TMEM260: variants seen among roughly 807,000 people sequenced by gnomAD.
The protein encoded by TMEM260 is protein O-mannosyl-transferase TMEM260.
Under a neutral mutation model 88.9 loss-of-function variants are expected in TMEM260, and 82 were observed. That is an observed-to-expected ratio of 0.92 (90% confidence interval 0.77 to 1.11). TMEM260 has a LOEUF of 1.11. Among genes scored for constraint, TMEM260 ranks in the 50% least tolerant of loss-of-function variants. The probability of loss-of-function intolerance (pLI) is 0.00; values close to 1 mark genes in which losing one functional copy is unlikely to be tolerated. For synonymous variants in TMEM260, 314 were observed against 309.3 expected, an observed-to-expected ratio of 1.02 and a Z score of -0.16; for missense variants, 902 against 853.4, an observed-to-expected ratio of 1.06 and a Z score of -0.71.
intron 15 of TMEM260, among the ~76,000 whole-genome samples, chr14:56,644,524 C>A (rs1275472332): frequency 2.6e-5 from 4 of 152,076 alleles, no homozygotes; most frequent in Admixed American, 6.6e-5. Context: ...TAAAGACTTA[C>A]ATGTTAGACC....
intron 12 of TMEM260, among the ~76,000 whole-genome samples, chr14:56,631,836 T>G (rs943033190): frequency 1.3e-5 from 2 of 152,128 alleles, no homozygotes; most frequent in African/African-American, 2.4e-5. Context: ...TTTCTATCTA[T>G]CTGTTGGGAA....
chr14:56,607,786 T>C (rs1378098619), intron 5 of TMEM260, among the ~76,000 whole-genome samples: 1 of 152,094 alleles, frequency 6.6e-6, no homozygotes, highest in African/African-American at 2.4e-5. Flanking sequence ...TGATCTGGGG[T>C]GAGGCCCAGA....
At position 56,625,399 on chromosome 14, in the gene TMEM260, G is replaced by C. The variant is rs148885138; in HGVS notation, c.1416G>C (p.Trp472Cys). 93 of 1,613,480 alleles carry C rather than the reference G, an allele frequency of 5.8e-5. No individual in the cohort carries two copies. The highest frequency in any genetic ancestry group is 7.4e-5 in the Non-Finnish European group (87 of 1,179,914). ...TCTGGCAGATGATGACTTACGAGTG[G>C]TATTTACCCAAGATGGCAAAGCACT... ...LVDQEMMTYE[W>C]YLPKMAKHLP... Residue 472 changes from tryptophan (W) to cysteine (C), a missense_variant, in exon 12 of 16, where the codon TGG becomes TGC. Coordinates refer to ENST00000261556, the MANE Select transcript of TMEM260 (RefSeq NM_017799.4).
At chr14:56,606,214 A>C (rs900194248) in intron 5 of TMEM260, among the ~76,000 whole-genome samples, 1 of 152,246 alleles carries the variant, frequency 6.6e-6, no homozygotes, top group African/African-American at 2.4e-5. Flanking sequence ...TTTCTCTGAA[A>C]GAAAAAAATG....
At position 56,634,955 on chromosome 14, in the gene TMEM260, G is replaced by A. The variant is rs1004840314; in HGVS notation, c.1778+3G>A. ...AATGAAGAAATGTGGCAAGCGAGGT[G>A]ACTATTCTACATTTTTGTGTGTGCA... On this transcript the variant is annotated splice_donor_region_variant and intron_variant, in intron 14 of 15. Coordinates refer to ENST00000261556, the MANE Select transcript of TMEM260 (RefSeq NM_017799.4). 6.2e-7 allele frequency: 1 copy of A among 1,613,892 alleles called. No homozygotes were observed. The highest frequency in any genetic ancestry group is 1.7e-5 in the Admixed American group (1 of 60,008).
intron 15 of TMEM260, among the ~76,000 whole-genome samples, chr14:56,642,251 G>C (rs1002976222): frequency 3.3e-5 from 5 of 152,056 alleles, no homozygotes; most frequent in Admixed American, 6.6e-5. Flanking sequence ...TGACCACATA[G>C]TTGGAAGTAA....
At chr14:56,635,076 T>A in intron 14 of TMEM260, 124 bp downstream of exon 14, 1 of 832,278 alleles carries the variant, frequency 1.2e-6, no homozygotes. Flanking sequence ...TATGAGCAAT[T>A]ATGTTTTTGA....
At chr14:56,653,482 C>G (rs898425822), downstream of TMEM260, among the ~76,000 whole-genome samples, 1 of 151,882 alleles carries the variant, frequency 6.6e-6, no homozygotes, top group South Asian at 2.1e-4. Flanking sequence ...ACCCATAATT[C>G]CAGCCCTTTG....
intron 13 of TMEM260, 84 bp downstream of exon 13, chr14:56,633,255 C>T (rs1888760816): frequency 8.6e-7 from 1 of 1,160,856 alleles, no homozygotes; most frequent in Non-Finnish European, 1.2e-6. Flanking sequence ...GAGATGCCTT[C>T]TAATTTTTTT....
At chr14:56,631,440 T>C (rs906973416) in intron 12 of TMEM260, among the ~76,000 whole-genome samples, 28 of 152,042 alleles carry the variant, frequency 1.8e-4, no homozygotes, top group African/African-American at 6.8e-4. Flanking sequence ...CTGGCCAACA[T>C]GGCAAAACCC....
intron 15 of TMEM260, among the ~76,000 whole-genome samples, chr14:56,644,101 A>G (rs1436625720): frequency 6.6e-6 from 1 of 152,222 alleles, no homozygotes; most frequent in African/African-American, 2.4e-5. Context: ...TTATAGATTC[A>G]ATGCCATCCC....
At position 56,579,888 on chromosome 14, in the gene TMEM260, T is replaced by A. The variant is rs10150734; in HGVS notation, c.-27T>A. ...GCACCGGGTTCTTGGGCTGGCCGTGTCCTTCTCCCTCGGTCGCCACTGGCC... is the reference window on the plus strand; with the variant it reads ...GCACCGGGTTCTTGGGCTGGCCGTGACCTTCTCCCTCGGTCGCCACTGGCC... On this transcript the variant is annotated 5_prime_UTR_variant, in exon 1 of 16. Transcript: ENST00000261556. The A allele has an allele frequency of 0.056, 68,458 of 1,231,716 alleles. 2,213 individuals carry two copies. Among genetic ancestry groups the A allele is most frequent in the East Asian group, 0.14 (4,514 of 31,660 alleles). The allele number at this position is 1,231,716 out of a possible 1,614,324, so 76.3% of individuals were successfully genotyped here.
chr14:56,643,396 C>G (rs1161199903), intron 15 of TMEM260, among the ~76,000 whole-genome samples: 1 of 152,090 alleles, frequency 6.6e-6, no homozygotes, highest in Non-Finnish European at 1.5e-5. Flanking sequence ...TAAACAGAAC[C>G]AAAGACAAAA....
At chr14:56,654,500 A>ATTTGG (rs543882908), downstream of TMEM260, among the ~76,000 whole-genome samples, 98 of 152,194 alleles carry the variant, frequency 6.4e-4, 1 homozygote, top group Non-Finnish European at 1.2e-3. Flanking sequence ...TGATTCTTCT[A>ATTTGG]TTTGGTTCAG....
chr14:56,579,987 G>A lies in TMEM260; in HGVS notation c.73G>A (p.Gly25Ser). The change falls in exon 1 of 16, where the codon GGC (glycine) becomes AGC (serine). Residue 25 changes from glycine to serine, a missense_variant. Gly to Ser is a moderately conservative substitution (Grantham distance 56). Transcript: ENST00000261556. ...CCGAGTGGGGCTGCGGCGCTCCGGGGGCATCCGCGGCGGCGTGGCGGTGTT... is the reference window on the plus strand; with the variant it reads ...CCGAGTGGGGCTGCGGCGCTCCGGGAGCATCCGCGGCGGCGTGGCGGTGTT... The part of the protein sequence containing the change: ...AVRVGLRRSG[G>S]IRGGVAVFAA... 6 of 1,245,450 alleles carry A rather than the reference G, an allele frequency of 4.8e-6. No homozygotes were observed. The highest frequency in any genetic ancestry group is 1.0e-6 in the Non-Finnish European group (1 of 989,170). 77.1% of individuals were successfully genotyped at this position (1,245,450 alleles called of 1,614,324 possible).
the TMEM260 span, among the ~76,000 whole-genome samples, chr14:56,662,783 G>A: frequency 1.2e-4 from 18 of 152,338 alleles, 1 homozygote; most frequent in African/African-American, 3.8e-4. Flanking sequence ...AGGGCATTTG[G>A]GAAGCACAGT....
At chr14:56,639,634 G>C (rs138560300) in intron 15 of TMEM260, among the ~76,000 whole-genome samples, 1 of 152,318 alleles carries the variant, frequency 6.6e-6, no homozygotes, top group African/African-American at 2.4e-5. Context: ...TCACTGGGGA[G>C]TGCCGGACAG....
chr14:56,633,225 C>T, intron 13 of TMEM260, 54 bp downstream of exon 13: 1 of 1,401,350 alleles, frequency 7.1e-7, no homozygotes, highest in Non-Finnish European at 9.6e-7. Flanking sequence ...TTTGAATACC[C>T]AAAAAAACTA....
downstream of TMEM260, among the ~76,000 whole-genome samples, chr14:56,655,588 C>A (rs1890286424): frequency 6.6e-6 from 1 of 152,092 alleles, no homozygotes; most frequent in South Asian, 2.1e-4. Flanking sequence ...TCACTTGTCC[C>A]TTGCTGAACA....
Sources: allele counts gnomAD v4.1 joint callset (sites outside exome capture counted in the v4.1 genomes callset), GRCh38; gene constraint gnomAD v4.1.1; transcripts MANE v1.5; gene names NCBI Gene and HGNC (gene_info 2026-07-23, HGNC 2026-07-21).